FBXO21: variants seen among roughly 807,000 people sequenced by gnomAD.
The protein encoded by FBXO21 is F-box only protein 21.
In FBXO21, 32 loss-of-function variants were observed where a neutral mutation model predicts 76.6. The observed-to-expected ratio is 0.42, with a 90% confidence interval of 0.32 to 0.56. The LOEUF (loss-of-function observed/expected upper bound fraction) is 0.56, where lower values mean the gene tolerates loss of function less well. Ranked by LOEUF, FBXO21 falls within the 20% of genes least tolerant of loss-of-function variation. The probability of loss-of-function intolerance (pLI) is 0.16; values close to 1 mark genes in which losing one functional copy is unlikely to be tolerated. For synonymous variants in FBXO21, 328 were observed against 311.5 expected (o/e 1.05, Z -0.56); for missense variants, 586 against 797.3 (o/e 0.73, Z 3.19).
intron 6 of FBXO21, among the ~76,000 whole-genome samples, chr12:117,172,918 GT>G (rs1196407787): frequency 9.2e-5 from 14 of 152,280 alleles, no homozygotes; most frequent in African/African-American, 3.4e-4. Context: ...CATATATACA[GT>G]TTTGTTGGAC....
chr12:117,176,352 A>G (rs1177400381), intron 4 of FBXO21, among the ~76,000 whole-genome samples: 1 of 152,190 alleles, frequency 6.6e-6, no homozygotes, highest in East Asian at 1.9e-4. Context: ...AAGGAGGGAT[A>G]TCATGAATGA....
rs114443258 is a variant in FBXO21, at chr12:117,153,275, C to G, written c.1675+2516G>C. Among the ~76,000 whole-genome samples the G allele has an allele frequency of 7.1e-3, 1,082 of 151,986 alleles. 7 individuals carry two copies. Among genetic ancestry groups the G allele is most frequent in the African/African-American group, 0.025 (1,026 of 41,444 alleles). On this transcript the variant is annotated intron_variant, in intron 11 of 11. Coordinates refer to ENST00000622495, the MANE Select transcript of FBXO21 (RefSeq NM_015002.3). ...TGTGTAGACAGATGTATCGCGAGGG[C>G]AAGGGGAGAAGAGCAAGACACGGCC...
At chr12:117,181,640 T>TCTAG (rs1956234958) in intron 3 of FBXO21, among the ~76,000 whole-genome samples, 1 of 149,890 alleles carries the variant, frequency 6.7e-6, no homozygotes, top group Non-Finnish European at 1.5e-5. Context: ...TATCTATCTA[T>TCTAG]CTATCTAATC....
chr12:117,151,284 G>A (rs1408886525), intron 11 of FBXO21, among the ~76,000 whole-genome samples: 5 of 152,066 alleles, frequency 3.3e-5, no homozygotes, highest in African/African-American at 9.7e-5. Flanking sequence ...ATCAAAGCGC[G>A]CCCCCTTGTG....
chr12:117,170,409 A>T (rs1186846042), intron 7 of FBXO21, among the ~76,000 whole-genome samples: 1 of 152,208 alleles, frequency 6.6e-6, no homozygotes, highest in East Asian at 1.9e-4. Flanking sequence ...CTATACGGAG[A>T]GCAAAAGCTA....
rs904898561 is a variant in FBXO21, at chr12:117,190,463, C to G, written c.-7G>C. 1.2e-5 allele frequency: 15 copies of G among 1,273,724 alleles called. No individual in the cohort carries two copies. The highest frequency in any genetic ancestry group is 1.6e-5 in the Non-Finnish European group (15 of 949,544). 78.9% of individuals were successfully genotyped at this position (1,273,724 alleles called of 1,614,324 possible). A position where few individuals can be genotyped will look rare whatever the true frequency, so the allele number is the denominator to read the frequency against. ...CGACTGCTGCCGCCGCCATCTTGTC[C>G]GCGTACCTGGGGCCGCCGCGCGCGC... On this transcript the variant is annotated 5_prime_UTR_variant, in exon 1 of 12. Coordinates refer to ENST00000622495, the MANE Select transcript of FBXO21 (RefSeq NM_015002.3).
chr12:117,169,144 C>CA (rs1036326273), intron 7 of FBXO21, among the ~76,000 whole-genome samples: 2 of 152,062 alleles, frequency 1.3e-5, no homozygotes, highest in African/African-American at 4.8e-5. Context: ...TATGTAGCCA[C>CA]AAAAAAGAAC....
chr12:117,152,894 T>C (rs537984330), intron 11 of FBXO21, among the ~76,000 whole-genome samples: 37 of 152,140 alleles, frequency 2.4e-4, no homozygotes, highest in Admixed American at 2.0e-3. Flanking sequence ...ATGGGGGTAT[T>C]TGATGTATTC....
At chr12:117,182,564 C>CTTTTTTTTTTTTTTTTTTTTTT (rs891529583) in intron 3 of FBXO21, among the ~76,000 whole-genome samples, 2 of 83,324 alleles carry the variant, frequency 2.4e-5, no homozygotes. Context: ...GCAAGAGGAT[C>CTTTTTTTTTTTTTTTTTTTTTT]TTTTTTTTTT....
rs768507276 is a variant in FBXO21, at chr12:117,189,257, G to A, written c.345C>T (p.Ala115=). ...CTGAAAAGAACCTCTTTGAGAACGA[G>A]GCTACAATCTTCCGCGCTTCTAACC... is the stretch of plus-strand genomic sequence containing the variant. ...KAGLEARKIV[A]SFSKRFFSEH... is the part of the protein sequence containing the mutation. Residue 115 remains alanine, a synonymous_variant, in exon 2 of 12, where the codon GCC becomes GCT. Transcript: ENST00000622495. The A allele has an allele frequency of 2.5e-6, 4 of 1,614,068 alleles. No individual in the cohort carries two copies. The African/African-American group carries it at 4.0e-5, about 16-fold the overall frequency.
At chr12:117,181,611 ATCTATCTATCT>A (rs1433238680) in intron 3 of FBXO21, among the ~76,000 whole-genome samples, 2 of 150,112 alleles carry the variant, frequency 1.3e-5, no homozygotes, top group Non-Finnish European at 2.9e-5. Flanking sequence ...CTATCTATCT[ATCTATCTATCT>A]ATCTATCTAT....
chr12:117,180,670 G>C (rs1252574870), intron 3 of FBXO21, among the ~76,000 whole-genome samples: 2 of 152,080 alleles, frequency 1.3e-5, no homozygotes, highest in African/African-American at 4.8e-5. Context: ...TCTGTCGCCA[G>C]GCTGGAGTGC....
intron 4 of FBXO21, 72 bp from the exon 5 acceptor site, chr12:117,174,869 G>T: frequency 1.4e-6 from 2 of 1,456,488 alleles, no homozygotes; most frequent in South Asian, 1.3e-5. Flanking sequence ...ATTTTACCCT[G>T]GACATCCTGG....
chr12:117,154,899 TCAAG>T (rs1418814184), intron 11 of FBXO21, among the ~76,000 whole-genome samples: 1 of 152,164 alleles, frequency 6.6e-6, no homozygotes, highest in Non-Finnish European at 1.5e-5. Flanking sequence ...GGAGGCTCTG[TCAAG>T]CTGCCTGGCT....
chr12:117,187,292 T>C (rs1305342785), intron 2 of FBXO21, among the ~76,000 whole-genome samples: 2 of 151,110 alleles, frequency 1.3e-5, no homozygotes, highest in Non-Finnish European at 2.9e-5. Context: ...TAGTGGCGCA[T>C]GCCAGTAATC....
intron 10 of FBXO21, among the ~76,000 whole-genome samples, chr12:117,157,208 A>G (rs1240235426): frequency 1.3e-5 from 2 of 152,112 alleles, no homozygotes; most frequent in Non-Finnish European, 2.9e-5. Context: ...GAAAAAAAGA[A>G]AAGAAAAATG....
chr12:117,177,479 T>C lies in FBXO21; in HGVS notation c.592+41A>G, dbSNP rs748126175. ...GGTCTTAAAAAACTAATCAGTTACC[T>C]ACAGAAATACTACTGTCCACATATA... On this transcript the variant is annotated intron_variant, in intron 4 of 11. Coordinates refer to ENST00000622495, the MANE Select transcript of FBXO21 (RefSeq NM_015002.3). The C allele has an allele frequency of 3.2e-6, 5 of 1,566,610 alleles. No individual in the cohort carries two copies. In the East Asian group the frequency reaches 6.8e-5, roughly 21 times the overall value.
At chr12:117,166,811 A>T in intron 8 of FBXO21, 87 bp downstream of exon 8, 2 of 1,184,522 alleles carry the variant, frequency 1.7e-6, no homozygotes, top group Non-Finnish European at 2.5e-6. Flanking sequence ...GATCTCAACG[A>T]AAAGTCACTT....
intron 2 of FBXO21, among the ~76,000 whole-genome samples, chr12:117,186,832 G>C (rs1265075557): frequency 1.3e-5 from 2 of 152,178 alleles, no homozygotes; most frequent in African/African-American, 4.8e-5. Context: ...CTAACGTAAA[G>C]AAAACTAGCT....
Sources: gnomAD v4.1 joint callset for allele counts (sites outside exome capture counted in the v4.1 genomes callset) on GRCh38, gnomAD v4.1.1 for gene constraint, MANE v1.5 for transcripts, NCBI Gene and HGNC (gene_info 2026-07-23, HGNC 2026-07-21) for gene names.